Variants in CNTN4 observed in about 807,000 individuals in gnomAD.
The protein encoded by CNTN4 is contactin-4.
CNTN4 carries 77 observed loss-of-function variants against 122.5 expected under a neutral mutation model. The ratio of observed to expected loss-of-function variants is 0.63; its 90% confidence interval spans 0.52 to 0.76. The LOEUF (loss-of-function observed/expected upper bound fraction) is 0.76. Among genes scored for constraint, CNTN4 ranks in the 30% least tolerant of loss-of-function variants. CNTN4 has a pLI of 0.00. For synonymous variants in CNTN4, 512 were observed against 447.0 expected, an observed-to-expected ratio of 1.15 and a Z score of -1.83; for missense variants, 1,256 against 1,259.1, an observed-to-expected ratio of 1.00 and a Z score of 0.04.
At chr3:3,034,890 C>G (rs1020023631) in intron 17 of CNTN4, 100 bp downstream of exon 17, 1 of 1,213,564 alleles carries the variant, frequency 8.2e-7, no homozygotes, top group African/African-American at 1.5e-5. Context: ...GACACTACTA[C>G]AAATGATATA....
chr3:2,286,708 T>C (rs2041914031), intron 2 of CNTN4, among the ~76,000 whole-genome samples: 1 of 152,166 alleles, frequency 6.6e-6, no homozygotes, highest in Non-Finnish European at 1.5e-5. Context: ...GGATTATCCA[T>C]GATCATAATT....
intron 4 of CNTN4, among the ~76,000 whole-genome samples, chr3:2,617,912 T>C (rs1021627796): frequency 2.6e-5 from 4 of 152,192 alleles, no homozygotes; most frequent in Non-Finnish European, 5.9e-5. Flanking sequence ...ATATAAAAAA[T>C]ATTTGTCATA....
intron 14 of CNTN4, among the ~76,000 whole-genome samples, chr3:2,996,765 T>C (rs886708530): frequency 2.6e-5 from 4 of 152,178 alleles, no homozygotes; most frequent in African/African-American, 9.6e-5. Flanking sequence ...ATGACTGTCA[T>C]AGGCCATACT....
At chr3:2,627,624 G>A (rs770783560) in intron 4 of CNTN4, among the ~76,000 whole-genome samples, 13 of 151,024 alleles carry the variant, frequency 8.6e-5, no homozygotes, top group Non-Finnish European at 1.6e-4. Context: ...CTCCCGAGTA[G>A]TTGGGAATAC....
intron 2 of CNTN4, among the ~76,000 whole-genome samples, chr3:2,237,096 A>T (rs1352990303): frequency 6.6e-6 from 1 of 152,120 alleles, no homozygotes; most frequent in Non-Finnish European, 1.5e-5. Context: ...TTTCTCTATG[A>T]GTAATGGGAA....
At chr3:2,190,248 A>G (rs1359571014) in intron 2 of CNTN4, among the ~76,000 whole-genome samples, 2 of 152,144 alleles carry the variant, frequency 1.3e-5, no homozygotes, top group Non-Finnish European at 2.9e-5. Flanking sequence ...AGAATAACAG[A>G]AATGACAAAA....
intron 3 of CNTN4, among the ~76,000 whole-genome samples, chr3:2,517,253 CAGTG>C (rs1487473213): frequency 6.6e-6 from 1 of 152,112 alleles, no homozygotes; most frequent in Non-Finnish European, 1.5e-5. Context: ...TGTCTTATTT[CAGTG>C]AGTGTTTCTG....
intron 13 of CNTN4, among the ~76,000 whole-genome samples, chr3:2,969,463 C>T (rs534226611): frequency 6.5e-4 from 99 of 152,008 alleles, no homozygotes; most frequent in African/African-American, 2.2e-3. Context: ...TTACAGCCAC[C>T]CAAAGTACAT....
chr3:2,125,330 CTGTGTGTGTGTGTG>C (rs397721422), intron 2 of CNTN4, among the ~76,000 whole-genome samples: 3 of 143,364 alleles, frequency 2.1e-5, no homozygotes, highest in African/African-American at 7.8e-5. Flanking sequence ...ATTCTATTCT[CTGTGTGTGTGTGTG>C]TGTGTGTGTG....
rs576781678 is a variant in CNTN4 at position 2,313,574 on chromosome 3, C to T, written c.-144-25604C>T. Reference sequence around the variant, plus strand: ...TTTAAACACCTGAAACAGAATCTGACGCTCAGAATAAATATCAGGGCCGGA... The same window carrying T: ...TTTAAACACCTGAAACAGAATCTGATGCTCAGAATAAATATCAGGGCCGGA... On this transcript the variant is annotated intron_variant, in intron 2 of 24. Coordinates refer to ENST00000418658, the MANE Select transcript of CNTN4 (RefSeq NM_175607.3). 6.6e-5 allele frequency among the ~76,000 whole-genome samples: 10 copies of T among 152,098 alleles called. No individual in the cohort carries two copies. The South Asian group carries it at 8.3e-4, about 13-fold the overall frequency.
At chr3:2,600,957 A>G (rs563484390) in intron 4 of CNTN4, among the ~76,000 whole-genome samples, 29 of 152,142 alleles carry the variant, frequency 1.9e-4, no homozygotes, top group Admixed American at 1.6e-3. Context: ...GCCAGTGATG[A>G]TGAGCATTTT....
At chr3:2,890,363 A>T (rs1228350364) in intron 10 of CNTN4, among the ~76,000 whole-genome samples, 1 of 152,216 alleles carries the variant, frequency 6.6e-6, no homozygotes, top group African/African-American at 2.4e-5. Flanking sequence ...GATAATTAAA[A>T]TCACCATGTA....
At chr3:2,292,736 T>C (rs2042179238) in intron 2 of CNTN4, among the ~76,000 whole-genome samples, 1 of 152,212 alleles carries the variant, frequency 6.6e-6, no homozygotes, top group South Asian at 2.1e-4. Flanking sequence ...ATTCTATCTA[T>C]CAGTAGTGTG....
chr3:2,836,483 T>C (rs547640522), intron 7 of CNTN4, among the ~76,000 whole-genome samples: 9 of 152,256 alleles, frequency 5.9e-5, no homozygotes, highest in Admixed American at 2.6e-4. Context: ...GTTTTACATA[T>C]ATTAACTCAT....
At position 2,145,773 on chromosome 3, in the gene CNTN4, G is replaced by T. The variant is rs57350462; in HGVS notation, c.-145+45134G>T. 2.0e-5 allele frequency among the ~76,000 whole-genome samples: 3 copies of T among 151,000 alleles called. No homozygotes were observed. The Admixed American group carries it at 2.0e-4, about 10-fold the overall frequency. ...TTGGCAATCTTGCCCAGCACTTTAC[G>T]TAGGGTTTCTCCTTATCTACCTTAT... On this transcript the variant is annotated intron_variant, in intron 2 of 24. Transcript: ENST00000418658.
intron 3 of CNTN4, among the ~76,000 whole-genome samples, chr3:2,546,469 G>A (rs1276209582): frequency 1.3e-5 from 2 of 152,054 alleles, no homozygotes; most frequent in Non-Finnish European, 2.9e-5. Flanking sequence ...CACAAAGAGG[G>A]GAAGAATAGG....
At chr3:2,983,520 G>C (rs1694254480) in intron 13 of CNTN4, among the ~76,000 whole-genome samples, 1 of 152,154 alleles carries the variant, frequency 6.6e-6, no homozygotes, top group South Asian at 2.1e-4. Flanking sequence ...CTATTCATGA[G>C]TGTCTCACTG....
intron 3 of CNTN4, among the ~76,000 whole-genome samples, chr3:2,446,943 G>T (rs1043168690): frequency 1.3e-5 from 2 of 152,096 alleles, no homozygotes; most frequent in Admixed American, 1.3e-4. Context: ...CTAGTAAACT[G>T]GGGTAGAGTA....
chr3:2,840,392 A>G (rs943092797), intron 7 of CNTN4, among the ~76,000 whole-genome samples: 2 of 151,108 alleles, frequency 1.3e-5, no homozygotes, highest in African/African-American at 4.9e-5. Flanking sequence ...CTCCTCCTCC[A>G]CCTTCTTCCT....
Sources: gnomAD v4.1 joint callset for allele counts (sites outside exome capture counted in the v4.1 genomes callset) on GRCh38, gnomAD v4.1.1 for gene constraint, MANE v1.5 for transcripts, NCBI Gene and HGNC (gene_info 2026-07-23, HGNC 2026-07-21) for gene names.